Variants in MYOF observed in about 807,000 individuals in gnomAD.
MYOF encodes myoferlin, also known as fer-1-like 3, myoferlin.
A neutral mutation model predicts 284.2 loss-of-function variants in MYOF; 244 were observed. The ratio of observed to expected loss-of-function variants is 0.86; its 90% CI spans 0.77 to 0.95. The LOEUF is 0.95. Ranked by LOEUF, MYOF falls within the 40% of genes least tolerant of loss-of-function variation. MYOF has a pLI of 0.00. For missense variants in MYOF, 2,496 were observed against 2,560.6 expected, an observed-to-expected ratio of 0.97 and a Z score of 0.54; for synonymous variants, 904 against 919.7, an observed-to-expected ratio of 0.98 and a Z score of 0.31.
At chr10:93,377,909 T>C (rs76572977) in intron 21 of MYOF, among the ~76,000 whole-genome samples, 8,557 of 152,250 alleles carry the variant, frequency 0.056, 327 homozygotes, top group Middle Eastern at 0.13. Context: ...TGGACTGGAA[T>C]TGGAAGTATC....
intron 1 of MYOF, among the ~76,000 whole-genome samples, chr10:93,463,438 C>T (rs12260654): frequency 0.051 from 6,449 of 127,576 alleles, 364 homozygotes; most frequent in East Asian, 0.26. Flanking sequence ...CTCACTCTGT[C>T]GCCCAGGATC....
At chr10:93,467,836 A>C (rs2057047881) in intron 1 of MYOF, among the ~76,000 whole-genome samples, 2 of 152,218 alleles carry the variant, frequency 1.3e-5, no homozygotes, top group South Asian at 4.1e-4. Flanking sequence ...GACATGGATG[A>C]AACTGGAAAC....
chr10:93,341,398 C>T (rs1375319597), intron 38 of MYOF, among the ~76,000 whole-genome samples: 3 of 152,050 alleles, frequency 2.0e-5, no homozygotes, highest in Non-Finnish European at 2.9e-5. Flanking sequence ...GCCTCAGCCT[C>T]CCGAGTAGCT....
intron 48 of MYOF, among the ~76,000 whole-genome samples, chr10:93,322,594 TC>T (rs1842889765): frequency 6.6e-6 from 1 of 152,242 alleles, no homozygotes; most frequent in Admixed American, 6.5e-5. Context: ...ATGCTGGCAC[TC>T]AGTGCAGGTT....
intron 20 of MYOF, among the ~76,000 whole-genome samples, chr10:93,380,561 C>T (rs1212673756): frequency 6.6e-6 from 1 of 152,146 alleles, no homozygotes. Context: ...ATCAGTATTC[C>T]TCTCTCCCTT....
intron 1 of MYOF, among the ~76,000 whole-genome samples, chr10:93,467,801 A>T (rs1461659704): frequency 1.3e-5 from 2 of 152,214 alleles, no homozygotes; most frequent in African/African-American, 2.4e-5. Flanking sequence ...GCCATAAAAA[A>T]TGATGAGTTC....
intron 7 of MYOF, among the ~76,000 whole-genome samples, chr10:93,408,179 G>C (rs1024380430): frequency 4.0e-5 from 6 of 151,844 alleles, no homozygotes; most frequent in African/African-American, 1.5e-4. Flanking sequence ...GCTTAGCCTT[G>C]GATCTTCACA....
intron 29 of MYOF, among the ~76,000 whole-genome samples, chr10:93,359,061 C>T (rs1463014296): frequency 1.3e-5 from 2 of 152,112 alleles, no homozygotes; most frequent in African/African-American, 4.8e-5. Context: ...TCCATCTTTG[C>T]TTCCAGAAGC....
intron 51 of MYOF, among the ~76,000 whole-genome samples, chr10:93,311,001 T>C (rs576432908): frequency 1.2e-3 from 178 of 152,318 alleles, no homozygotes; most frequent in East Asian, 4.4e-3. Context: ...CTAACATTTA[T>C]TGAGCATTAT....
At chr10:93,351,174 G>A (rs773754414) in intron 35 of MYOF, 23 bp downstream of exon 35, 3 of 1,606,874 alleles carry the variant, frequency 1.9e-6, no homozygotes, top group East Asian at 2.2e-5. Context: ...GATTTGATGA[G>A]TAACACGTGG....
At chr10:93,479,700 A>G (rs2057347361) in intron 1 of MYOF, among the ~76,000 whole-genome samples, 1 of 152,182 alleles carries the variant, frequency 6.6e-6, no homozygotes, top group South Asian at 2.1e-4. Flanking sequence ...TAAATCAGAT[A>G]TTGAGTTAAT....
intron 45 of MYOF, among the ~76,000 whole-genome samples, chr10:93,327,552 T>C (rs1473342894): frequency 1.3e-5 from 2 of 152,134 alleles, no homozygotes; most frequent in African/African-American, 4.8e-5. Context: ...ATCTGTTATA[T>C]ATCAATAGTA....
chr10:93,397,123 G>A (rs924150458), intron 15 of MYOF, 124 bp downstream of exon 15: 141 of 731,750 alleles, frequency 1.9e-4, no homozygotes, highest in Non-Finnish European at 2.7e-4. Context: ...CCAGTTCCAG[G>A]AGCAATTTAT....
chr10:93,470,185 C>A (rs12245658), intron 1 of MYOF, among the ~76,000 whole-genome samples: 1 of 145,624 alleles, frequency 6.9e-6, no homozygotes, highest in Non-Finnish European at 1.5e-5. Flanking sequence ...GCTGAGATCA[C>A]GTGACTATAC....
At chr10:93,464,934 A>G (rs951652827) in intron 1 of MYOF, among the ~76,000 whole-genome samples, 2 of 152,030 alleles carry the variant, frequency 1.3e-5, no homozygotes, top group African/African-American at 4.8e-5. Context: ...TTCTTTTGAG[A>G]TATATAAAGC....
intron 19 of MYOF, among the ~76,000 whole-genome samples, chr10:93,386,030 C>G (rs1846348220): frequency 6.6e-6 from 1 of 152,214 alleles, no homozygotes; most frequent in Non-Finnish European, 1.5e-5. Flanking sequence ...CAAAGAGAAG[C>G]AGCATGAACT....
chr10:93,455,306 C>CA (rs11290130), intron 2 of MYOF, among the ~76,000 whole-genome samples: 1 of 151,216 alleles, frequency 6.6e-6, no homozygotes, highest in East Asian at 1.9e-4. Context: ...AAACAAAAAA[C>CA]AAAAAAACAA....
chr10:93,328,674 TG>T, intron 45 of MYOF, 88 bp downstream of exon 45: 1 of 1,355,192 alleles, frequency 7.4e-7, no homozygotes, highest in Non-Finnish European at 1.0e-6. Context: ...ATTAGGGTAC[TG>T]GCTCTGTCTA....
intron 17 of MYOF, 80 bp downstream of exon 17, chr10:93,392,837 C>T: frequency 1.5e-6 from 2 of 1,355,750 alleles, no homozygotes; most frequent in Non-Finnish European, 2.1e-6. Flanking sequence ...AAAAAAAGTT[C>T]TAAAGACAGT....
Sources: gnomAD v4.1 joint callset for allele counts (sites outside exome capture counted in the v4.1 genomes callset) on GRCh38, gnomAD v4.1.1 for gene constraint, MANE v1.5 for transcripts, NCBI Gene and HGNC (gene_info 2026-07-23, HGNC 2026-07-21) for gene names.